The following SPATA6 variants were observed in gnomAD, a reference collection of about 807,000 sequenced individuals.
SPATA6 encodes spermatogenesis-associated protein 6.
Under a neutral mutation model 65.3 loss-of-function variants are expected in SPATA6, and 56 were observed. That is an observed-to-expected ratio of 0.86 (90% CI 0.69 to 1.07). SPATA6 has a LOEUF of 1.07. Ranked by LOEUF, SPATA6 falls within the 50% of genes least tolerant of loss-of-function variation. The probability of loss-of-function intolerance (pLI) is 0.00; values close to 1 mark genes in which losing one functional copy is unlikely to be tolerated. For missense variants in SPATA6, 590 were observed against 594.8 expected, an observed-to-expected ratio of 0.99 and a Z score of 0.08; for synonymous variants, 199 against 213.2, an observed-to-expected ratio of 0.93 and a Z score of 0.58.
At chr1:48,400,295 T>C (rs1651041137) in intron 6 of SPATA6, among the ~76,000 whole-genome samples, 1 of 151,960 alleles carries the variant, frequency 6.6e-6, no homozygotes, top group Non-Finnish European at 1.5e-5. Context: ...AAATTAGGAA[T>C]ATAAAAAGCA....
chr1:48,297,903 A>G lies in SPATA6; in HGVS notation c.*810T>C, dbSNP rs1342989187. 1 of 152,086 alleles carries G rather than the reference A, an allele frequency of 6.6e-6. No individual in the cohort carries two copies. 9.4% of individuals were successfully genotyped at this position (152,086 alleles called of 1,614,324 possible). A position where few individuals can be genotyped will look rare whatever the true frequency, so the allele number is the denominator to read the frequency against. ...CCATATGGTACTTACACAAATTCCAAGCAGTCAAATTACAATATAATTCCA... is the reference window on the plus strand; with the variant it reads ...CCATATGGTACTTACACAAATTCCAGGCAGTCAAATTACAATATAATTCCA... On this transcript the variant is annotated 3_prime_UTR_variant, in exon 13 of 13. Transcript: ENST00000371847.
intron 5 of SPATA6, among the ~76,000 whole-genome samples, chr1:48,404,817 C>T (rs1295820684): frequency 6.6e-6 from 1 of 152,170 alleles, no homozygotes; most frequent in East Asian, 1.9e-4. Flanking sequence ...CAATCACCAC[C>T]TTGAACACTG....
At chr1:48,314,633 T>C (rs1645344559) in intron 11 of SPATA6, among the ~76,000 whole-genome samples, 1 of 152,004 alleles carries the variant, frequency 6.6e-6, no homozygotes, top group Admixed American at 6.6e-5. Flanking sequence ...TTAAAAGAAC[T>C]ACAGAAGCAA....
the SPATA6 span, among the ~76,000 whole-genome samples, chr1:48,267,759 T>TTG: frequency 1.5e-5 from 2 of 129,268 alleles, no homozygotes; most frequent in South Asian, 2.9e-4. Flanking sequence ...TGGGTTTTTT[T>TTG]TTTTTTTTTT....
At chr1:48,427,434 C>CAAA (rs760835892) in intron 3 of SPATA6, among the ~76,000 whole-genome samples, 2 of 67,598 alleles carry the variant, frequency 3.0e-5, no homozygotes, top group African/African-American at 5.1e-5. Flanking sequence ...AAAATTGAGG[C>CAAA]AAAAAAAAAA....
downstream of SPATA6, among the ~76,000 whole-genome samples, chr1:48,291,955 C>T (rs1437416885): frequency 6.6e-6 from 1 of 152,136 alleles, no homozygotes; most frequent in Non-Finnish European, 1.5e-5. Flanking sequence ...ATTTTGTCCC[C>T]GCTTTCCTAA....
At chr1:48,359,458 A>T in intron 10 of SPATA6, 128 bp downstream of exon 10, 1 of 1,067,734 alleles carries the variant, frequency 9.4e-7, no homozygotes, top group Non-Finnish European at 1.3e-6. Context: ...CTAAACAAAA[A>T]CAATTTAAGC....
intron 11 of SPATA6, among the ~76,000 whole-genome samples, chr1:48,314,779 A>G (rs1645351793): frequency 6.6e-6 from 1 of 152,186 alleles, no homozygotes; most frequent in Non-Finnish European, 1.5e-5. Context: ...GATCAACAAA[A>G]TTGATAGACC....
At chr1:48,343,822 A>T (rs985847339) in intron 11 of SPATA6, among the ~76,000 whole-genome samples, 2 of 152,206 alleles carry the variant, frequency 1.3e-5, no homozygotes, top group Non-Finnish European at 2.9e-5. Flanking sequence ...AAATAAAATT[A>T]ACATGTTCAT....
chr1:48,403,383 T>G (rs1651366049), intron 6 of SPATA6, among the ~76,000 whole-genome samples: 1 of 152,112 alleles, frequency 6.6e-6, no homozygotes, highest in Non-Finnish European at 1.5e-5. Flanking sequence ...TAAACACCAG[T>G]ATCCCAGTCT....
intron 11 of SPATA6, among the ~76,000 whole-genome samples, chr1:48,327,484 C>T (rs1260281428): frequency 1.3e-5 from 2 of 152,148 alleles, no homozygotes; most frequent in Non-Finnish European, 2.9e-5. Flanking sequence ...AGCCAATAAT[C>T]CCACTGGTGG....
chr1:48,313,662 T>A (rs548770356), intron 11 of SPATA6, among the ~76,000 whole-genome samples: 3 of 152,086 alleles, frequency 2.0e-5, no homozygotes, highest in Non-Finnish European at 4.4e-5. Context: ...CCAGATAACA[T>A]CATAATGACA....
At chr1:48,277,531 C>T in the SPATA6 span, among the ~76,000 whole-genome samples, 2 of 152,176 alleles carry the variant, frequency 1.3e-5, no homozygotes, top group Non-Finnish European at 1.5e-5. Context: ...GATTATATCC[C>T]GCACTTGGCT....
At chr1:48,442,464 GGA>G (rs1224668399) in intron 3 of SPATA6, among the ~76,000 whole-genome samples, 12 of 151,920 alleles carry the variant, frequency 7.9e-5, no homozygotes, top group Admixed American at 7.2e-4. Context: ...AAAAAGGGAA[GGA>G]GAGAGGAGAA....
chr1:48,395,600 C>T (rs1200547471), intron 7 of SPATA6, among the ~76,000 whole-genome samples: 1 of 151,786 alleles, frequency 6.6e-6, no homozygotes, highest in East Asian at 1.9e-4. Flanking sequence ...TTAAAATGAA[C>T]AGACTTGGAA....
the SPATA6 span, among the ~76,000 whole-genome samples, chr1:48,283,723 A>AAGAAAGAAAGAAAGAAAG: frequency 6.7e-6 from 1 of 150,128 alleles, no homozygotes; most frequent in Non-Finnish European, 1.5e-5. Flanking sequence ...GAAAGAAAGA[A>AAGAAAGAAAGAAAGAAAG]AATTCTTTTC....
chr1:48,456,418 A>G (rs1229177663), intron 1 of SPATA6, among the ~76,000 whole-genome samples: 1 of 152,218 alleles, frequency 6.6e-6, no homozygotes, highest in Non-Finnish European at 1.5e-5. Flanking sequence ...TGATTTACAC[A>G]GTCCCACATA....
intron 11 of SPATA6, among the ~76,000 whole-genome samples, chr1:48,314,731 C>A (rs1285694011): frequency 1.3e-5 from 2 of 151,900 alleles, no homozygotes; most frequent in African/African-American, 4.8e-5. Flanking sequence ...AAAGACCCTT[C>A]AAAAAATCAA....
intron 11 of SPATA6, among the ~76,000 whole-genome samples, chr1:48,333,669 C>A (rs754006968): frequency 1.3e-5 from 2 of 152,026 alleles, no homozygotes; most frequent in African/African-American, 4.8e-5. Flanking sequence ...AAATTTATAG[C>A]ATTAAATACC....
Sources: gnomAD v4.1 joint callset for allele counts (sites outside exome capture counted in the v4.1 genomes callset) on GRCh38, gnomAD v4.1.1 for gene constraint, MANE v1.5 for transcripts, NCBI Gene and HGNC (gene_info 2026-07-23, HGNC 2026-07-21) for gene names.